SCHIP1: variants seen among roughly 807,000 people sequenced by gnomAD.
SCHIP1 encodes the protein schwannomin interacting protein 1.
A neutral mutation model predicts 29.7 loss-of-function variants in SCHIP1; 8 were observed. The ratio of observed to expected loss-of-function variants is 0.27; its 90% CI spans 0.16 to 0.49. SCHIP1 has a LOEUF of 0.49. Among genes scored for constraint, SCHIP1 ranks in the 20% least tolerant of loss-of-function variants. The pLI, the probability that SCHIP1 is intolerant of heterozygous loss-of-function variation, is 0.99. For synonymous variants in SCHIP1, 76 were observed against 94.9 expected (o/e 0.80, Z 1.16); for missense variants, 193 against 294.6 (o/e 0.66, Z 2.52).
the SCHIP1 span, among the ~76,000 whole-genome samples, chr3:159,438,257 C>T: frequency 5.3e-5 from 8 of 152,074 alleles, no homozygotes; most frequent in Non-Finnish European, 1.0e-4. Flanking sequence ...CCTGACCATG[C>T]CTGAGGGGTT....
the SCHIP1 span, among the ~76,000 whole-genome samples, chr3:159,494,005 G>A: frequency 1.3e-5 from 2 of 152,068 alleles, no homozygotes; most frequent in Non-Finnish European, 2.9e-5. Flanking sequence ...AATGACTACT[G>A]GGTACATAAA....
chr3:159,339,688 A>G, the SCHIP1 span, among the ~76,000 whole-genome samples: 11 of 152,270 alleles, frequency 7.2e-5, no homozygotes, highest in African/African-American at 2.4e-4. Flanking sequence ...GTATACAACA[A>G]TTTTTCAAGG....
the SCHIP1 span, among the ~76,000 whole-genome samples, chr3:159,499,549 CTT>C: frequency 6.6e-6 from 1 of 152,232 alleles, no homozygotes; most frequent in Non-Finnish European, 1.5e-5. Context: ...ACTTTCTACT[CTT>C]AGGATCACAC....
chr3:159,823,532 G>A, the SCHIP1 span, among the ~76,000 whole-genome samples: 1 of 152,122 alleles, frequency 6.6e-6, no homozygotes, highest in Non-Finnish European at 1.5e-5. Flanking sequence ...CAGGGCCAGC[G>A]TGGGTCCCAG....
chr3:159,567,740 A>G, the SCHIP1 span, among the ~76,000 whole-genome samples: 2 of 152,154 alleles, frequency 1.3e-5, no homozygotes, highest in Admixed American at 6.5e-5. Context: ...AACAATTTGG[A>G]CAAGTGGATG....
chr3:159,688,493 A>T, the SCHIP1 span, among the ~76,000 whole-genome samples: 520 of 152,254 alleles, frequency 3.4e-3, 3 homozygotes, highest in African/African-American at 0.012. Flanking sequence ...GATTCTGGAT[A>T]TTAGCCCTTT....
chr3:159,704,417 T>TAAAAAA, the SCHIP1 span, among the ~76,000 whole-genome samples: 57 of 92,638 alleles, frequency 6.2e-4, 1 homozygote, highest in African/African-American at 2.2e-3. Context: ...CAATTTTTTC[T>TAAAAAA]AAAAAAAAAA....
chr3:159,651,515 C>G, the SCHIP1 span, among the ~76,000 whole-genome samples: 3 of 152,154 alleles, frequency 2.0e-5, no homozygotes, highest in Non-Finnish European at 4.4e-5. Context: ...AGTTTTACTA[C>G]CATTATTACT....
At chr3:159,891,142 C>T (rs1368867288) in intron 5 of SCHIP1, among the ~76,000 whole-genome samples, 9 of 151,986 alleles carry the variant, frequency 5.9e-5, no homozygotes, top group Admixed American at 1.3e-4. Flanking sequence ...GAGGCCGAGG[C>T]GGGCAGATCA....
the SCHIP1 span, among the ~76,000 whole-genome samples, chr3:159,432,080 T>C: frequency 6.6e-6 from 1 of 152,086 alleles, no homozygotes; most frequent in African/African-American, 2.4e-5. Context: ...GTGGTCTGGC[T>C]TGGGCTCTGT....
chr3:159,684,124 C>T, the SCHIP1 span, among the ~76,000 whole-genome samples: 11 of 152,116 alleles, frequency 7.2e-5, no homozygotes, highest in Admixed American at 6.5e-4. Context: ...CCCAAACCTA[C>T]ACCTCCTAAT....
At chr3:159,763,917 G>C in the SCHIP1 span, 2 of 152,058 alleles carry the variant, frequency 1.3e-5, no homozygotes, top group South Asian at 2.0e-4. Context: ...GCGCGGACCC[G>C]GGCTCCCAGC....
intron 1 of SCHIP1, among the ~76,000 whole-genome samples, chr3:159,850,210 C>T (rs1712400145): frequency 6.6e-6 from 1 of 152,138 alleles, no homozygotes; most frequent in African/African-American, 2.4e-5. Flanking sequence ...TGATTCAGCT[C>T]TTGATATTGT....
the SCHIP1 span, among the ~76,000 whole-genome samples, chr3:159,477,844 T>A: frequency 6.6e-6 from 1 of 151,904 alleles, no homozygotes; most frequent in East Asian, 1.9e-4. Context: ...TTCAAAAAAT[T>A]ATTGCCTAGA....
the SCHIP1 span, among the ~76,000 whole-genome samples, chr3:159,526,433 T>C: frequency 6.6e-6 from 1 of 152,166 alleles, no homozygotes; most frequent in African/African-American, 2.4e-5. Context: ...CCTCCTAAAG[T>C]GTTGGGATTA....
chr3:159,822,112 T>TGTG, the SCHIP1 span, among the ~76,000 whole-genome samples: 3 of 152,254 alleles, frequency 2.0e-5, no homozygotes, highest in Non-Finnish European at 4.4e-5. Flanking sequence ...GTAACTGAAA[T>TGTG]GGCAGATAAG....
chr3:159,554,028 G>GTGTGTGTGTGTGTGTGTGTGTGTA, the SCHIP1 span, among the ~76,000 whole-genome samples: 1 of 73,420 alleles, frequency 1.4e-5, no homozygotes, highest in African/African-American at 1.2e-4. Context: ...GTTTGTGTAT[G>GTGTGTGTGTGTGTGTGTGTGTGTA]TGTGTGTGTG....
chr3:159,856,876 A>C (rs1255863100), intron 1 of SCHIP1, among the ~76,000 whole-genome samples: 1 of 152,238 alleles, frequency 6.6e-6, no homozygotes, highest in Non-Finnish European at 1.5e-5. Flanking sequence ...ACAGGAACAC[A>C]GAATGCCAGC....
the SCHIP1 span, among the ~76,000 whole-genome samples, chr3:159,313,084 C>T: frequency 6.6e-6 from 1 of 152,124 alleles, no homozygotes; most frequent in African/African-American, 2.4e-5. Flanking sequence ...CTCAGATTAG[C>T]AACTATGAAG....
Sources: allele counts gnomAD v4.1 joint callset (sites outside exome capture counted in the v4.1 genomes callset), GRCh38; gene constraint gnomAD v4.1.1; transcripts MANE v1.5; gene names NCBI Gene and HGNC (gene_info 2026-07-23, HGNC 2026-07-21).